CHD6: variants seen among roughly 807,000 people sequenced by gnomAD.
CHD6 encodes ATP-dependent chromatin remodeler CHD6.
Under a neutral mutation model 276.9 loss-of-function variants are expected in CHD6, and 50 were observed. That is an observed-to-expected ratio of 0.18 (90% CI 0.14 to 0.23). The LOEUF is 0.23. Among genes scored for constraint, CHD6 ranks in the 10% least tolerant of loss-of-function variants. The probability of loss-of-function intolerance (pLI) is 1.00; values close to 1 mark genes in which losing one functional copy is unlikely to be tolerated. For missense variants in CHD6, 2,564 were observed against 3,365.8 expected (o/e 0.76, Z 5.89); for synonymous variants, 1,173 against 1,229.3 (o/e 0.95, Z 0.96).
At chr20:41,569,371 G>A (rs1448196722) in intron 1 of CHD6, among the ~76,000 whole-genome samples, 12 of 152,148 alleles carry the variant, frequency 7.9e-5, no homozygotes. Flanking sequence ...GTACAGACTT[G>A]GTCACCTACT....
chr20:41,513,597 C>T (rs1475348272), intron 4 of CHD6, among the ~76,000 whole-genome samples: 1 of 152,120 alleles, frequency 6.6e-6, no homozygotes, highest in South Asian at 2.1e-4. Flanking sequence ...TCTAAGGATT[C>T]ATCTCTAATT....
chr20:41,408,494 CA>C (rs996666660), intron 36 of CHD6, among the ~76,000 whole-genome samples: 1 of 152,192 alleles, frequency 6.6e-6, no homozygotes, highest in African/African-American at 2.4e-5. Flanking sequence ...AATTTCTCAC[CA>C]GTCTGTCTTG....
chr20:41,492,726 G>A (rs1420320019), intron 10 of CHD6, among the ~76,000 whole-genome samples: 1 of 152,304 alleles, frequency 6.6e-6, no homozygotes, highest in African/African-American at 2.4e-5. Context: ...AGTTCAAGAC[G>A]AGCTTAACAT....
Position 41,423,703 on chromosome 20 carries a change from T to A in CHD6, c.4347-3A>T, listed in dbSNP as rs770180398. 1 of 1,611,594 alleles carries A rather than the reference T, an allele frequency of 6.2e-7. No homozygotes were observed. Among genetic ancestry groups the A allele is most frequent in the Admixed American group, 1.7e-5 (1 of 59,948 alleles). On this transcript the variant is annotated splice_polypyrimidine_tract_variant and splice_region_variant and intron_variant, in intron 29 of 36. Transcript: ENST00000373233. ...CTGCTTGTTCTCTCCTAGTCCACCT[T>A]GAGATTTAATCAGAAAGGAAGAGTG...
At chr20:41,607,096 G>T (rs960252801) in intron 1 of CHD6, among the ~76,000 whole-genome samples, 1 of 151,932 alleles carries the variant, frequency 6.6e-6, no homozygotes, top group African/African-American at 2.4e-5. Context: ...GTACTCCATG[G>T]CTCTCCACCA....
intron 25 of CHD6, among the ~76,000 whole-genome samples, chr20:41,441,443 G>A (rs900979862): frequency 1.3e-5 from 2 of 152,150 alleles, no homozygotes; most frequent in African/African-American, 2.4e-5. Flanking sequence ...GTTCCAGTCA[G>A]TTTCTCCACC....
chr20:41,461,424 C>G (rs531952106), intron 17 of CHD6, among the ~76,000 whole-genome samples: 4 of 152,292 alleles, frequency 2.6e-5, no homozygotes, highest in South Asian at 4.1e-4. Context: ...AGGGACTCAG[C>G]AGGGAGGTAA....
At position 41,404,461 on chromosome 20, in the gene CHD6, C is replaced by G; in HGVS notation, c.*132G>C. ...TATTAACATCTGTTACCATAGTTCT[C>G]AGACAGGAAATCAGGTACGTAATCT... On this transcript the variant is annotated 3_prime_UTR_variant, in exon 37 of 37. Coordinates refer to ENST00000373233, the MANE Select transcript of CHD6 (RefSeq NM_032221.5). 7.3e-7 allele frequency: 1 copy of G among 1,368,704 alleles called. No individual in the cohort carries two copies. The highest frequency in any genetic ancestry group is 2.4e-5 in the South Asian group (1 of 42,220). 84.8% of individuals were successfully genotyped at this position (1,368,704 alleles called of 1,614,324 possible). A position where few individuals can be genotyped will look rare whatever the true frequency, so the allele number is the denominator to read the frequency against.
chr20:41,483,287 A>T, intron 16 of CHD6, 22 bp downstream of exon 16: 5 of 1,585,086 alleles, frequency 3.2e-6, no homozygotes, highest in Non-Finnish European at 4.3e-6. Context: ...TGTTGAATGC[A>T]GAGCTTTGAC....
chr20:41,460,662 A>G (rs2048517257), intron 17 of CHD6, among the ~76,000 whole-genome samples: 1 of 152,212 alleles, frequency 6.6e-6, no homozygotes, highest in African/African-American at 2.4e-5. Flanking sequence ...GGGAACCTCC[A>G]CTTAAATTTT....
At chr20:41,441,078 C>G (rs1040086585) in intron 25 of CHD6, among the ~76,000 whole-genome samples, 1 of 152,208 alleles carries the variant, frequency 6.6e-6, no homozygotes, top group African/African-American at 2.4e-5. Flanking sequence ...ATCTCCATGA[C>G]AGGTGCTGCC....
intron 1 of CHD6, among the ~76,000 whole-genome samples, chr20:41,555,697 A>C (rs77396479): frequency 1.5e-5 from 2 of 134,922 alleles, no homozygotes; most frequent in South Asian, 2.5e-4. Context: ...GACGATGGGC[A>C]GCCGGGCAGA....
chr20:41,462,988 A>T (rs2042837544), intron 17 of CHD6, among the ~76,000 whole-genome samples: 2 of 152,236 alleles, frequency 1.3e-5, no homozygotes, highest in African/African-American at 4.8e-5. Flanking sequence ...TGTGGTAGAG[A>T]AAGTATAGAC....
intron 16 of CHD6, among the ~76,000 whole-genome samples, chr20:41,476,776 T>C (rs2043176636): frequency 6.7e-6 from 1 of 149,358 alleles, no homozygotes; most frequent in Non-Finnish European, 1.5e-5. Context: ...TTTGCAAAGA[T>C]GTCAGTCTAA....
At chr20:41,449,508 CAA>C (rs2048172212) in intron 23 of CHD6, among the ~76,000 whole-genome samples, 1 of 152,118 alleles carries the variant, frequency 6.6e-6, no homozygotes, top group South Asian at 2.1e-4. Flanking sequence ...AATTCTCCTC[CAA>C]ATGGAAGGGA....
chr20:41,602,679 A>G (rs1043357600), intron 1 of CHD6, among the ~76,000 whole-genome samples: 1 of 152,158 alleles, frequency 6.6e-6, no homozygotes, highest in Non-Finnish European at 1.5e-5. Flanking sequence ...CCAGAATTTT[A>G]AAAGGACAAT....
chr20:41,431,406 T>C (rs1359532344), intron 27 of CHD6, among the ~76,000 whole-genome samples: 3 of 151,982 alleles, frequency 2.0e-5, no homozygotes, highest in African/African-American at 7.3e-5. Flanking sequence ...AATGGATAAT[T>C]TTTGGGTAGT....
At chr20:41,450,127 AC>A (rs2048190730) in intron 23 of CHD6, among the ~76,000 whole-genome samples, 1 of 152,208 alleles carries the variant, frequency 6.6e-6, no homozygotes, top group East Asian at 1.9e-4. Context: ...AAGAAAAAAA[AC>A]AAAACAAAAC....
rs2044733168 is a variant in CHD6, at chr20:41,533,187, G to A, written c.417C>T (p.Ala139=). 1 of 1,613,844 alleles carries A rather than the reference G, an allele frequency of 6.2e-7. No individual in the cohort carries two copies. The highest frequency in any genetic ancestry group is 1.7e-4 in the Middle Eastern group (1 of 5,822). ...TTTGCTTCGGCTCCTTGTGCTCCTT[G>A]GCCTTCTTCGGCTCCTTGGCCTTTC... is the stretch of plus-strand genomic sequence containing the variant. ...EPRKAKEPKK[A]KEHKEPKQKD... Residue 139 remains alanine, a synonymous_variant, in exon 3 of 37, where the codon GCC becomes GCT. Transcript: ENST00000373233.
Sources: allele counts gnomAD v4.1 joint callset (sites outside exome capture counted in the v4.1 genomes callset), GRCh38; gene constraint gnomAD v4.1.1; transcripts MANE v1.5; gene names NCBI Gene and HGNC (gene_info 2026-07-23, HGNC 2026-07-21).